The following TM9SF3 variants were observed in gnomAD, a reference collection of about 807,000 sequenced individuals.
TM9SF3 encodes the protein SM-11044-binding protein.
TM9SF3 carries 14 observed loss-of-function variants against 78.6 expected under a neutral mutation model. The observed-to-expected ratio is 0.18, with a 90% CI of 0.12 to 0.28. TM9SF3 has a LOEUF of 0.28. Among genes scored for constraint, TM9SF3 ranks in the 10% least tolerant of loss-of-function variants. The pLI, the probability that TM9SF3 is intolerant of heterozygous loss-of-function variation, is 1.00. For missense variants in TM9SF3, 496 were observed against 721.9 expected (o/e 0.69, Z 3.59); for synonymous variants, 231 against 241.7 (o/e 0.96, Z 0.41).
At chr10:96,544,510 G>A (rs537505689) in intron 8 of TM9SF3, among the ~76,000 whole-genome samples, 87 of 152,056 alleles carry the variant, frequency 5.7e-4, no homozygotes, top group African/African-American at 2.0e-3. Flanking sequence ...CCTAGAAAGG[G>A]GTTTTTATTA....
intron 4 of TM9SF3, 64 bp downstream of exon 4, chr10:96,561,914 G>C (rs1848312623): frequency 7.2e-7 from 1 of 1,385,038 alleles, no homozygotes; most frequent in African/African-American, 1.5e-5. Flanking sequence ...AAAGTTCAAA[G>C]CCACAAATTG....
chr10:96,548,778 T>A, intron 7 of TM9SF3, among the ~76,000 whole-genome samples: 1 of 120,476 alleles, frequency 8.3e-6, no homozygotes, highest in Non-Finnish European at 1.6e-5. Flanking sequence ...AGCCTGGATG[T>A]CAAAGCAAGA....
At chr10:96,556,940 T>A (rs1490648390) in intron 5 of TM9SF3, among the ~76,000 whole-genome samples, 1 of 152,100 alleles carries the variant, frequency 6.6e-6, no homozygotes, top group Non-Finnish European at 1.5e-5. Flanking sequence ...AATCTCTCTA[T>A]CCTCCATGAT....
chr10:96,553,194 A>C, intron 5 of TM9SF3, 135 bp from the exon 6 acceptor site: 1 of 882,764 alleles, frequency 1.1e-6, no homozygotes, highest in Non-Finnish European at 1.6e-6. Flanking sequence ...AAAAATCCAA[A>C]TTTCAGACAC....
intron 9 of TM9SF3, among the ~76,000 whole-genome samples, chr10:96,534,173 T>A (rs530027782): frequency 1.3e-5 from 2 of 152,280 alleles, no homozygotes; most frequent in African/African-American, 4.8e-5. Flanking sequence ...TTAGTAAAAA[T>A]TCTTCATTAG....
Position 96,520,911 on chromosome 10 carries a change from T to C in TM9SF3, c.*1352A>G, listed in dbSNP as rs1300483201. On this transcript the variant is annotated 3_prime_UTR_variant, in exon 15 of 15. Coordinates refer to ENST00000371142, the MANE Select transcript of TM9SF3 (RefSeq NM_020123.4). ...ATAGTTTATAGCATACTTTTAAAAA[T>C]GGCATTCGGTAATTTTGCCTTCTGG... 4 of 397,250 alleles carry C rather than the reference T, an allele frequency of 1.0e-5. No individual in the cohort carries two copies. The highest frequency in any genetic ancestry group is 1.3e-5 in the Non-Finnish European group (3 of 224,794). 24.6% of individuals were successfully genotyped at this position (397,250 alleles called of 1,614,324 possible).
chr10:96,551,429 TATAG>T lies in TM9SF3; in HGVS notation c.793-22_793-19del. ...TCTCTATCCTATATACAAATATATATATAGAGAGAGAAAAGCAAATCATTCAGAA... is the reference window on the plus strand; with the variant it reads ...TCTCTATCCTATATACAAATATATATAGAGAGAAAAGCAAATCATTCAGAA... On this transcript the variant is annotated intron_variant, in intron 6 of 14. Coordinates refer to ENST00000371142, the MANE Select transcript of TM9SF3 (RefSeq NM_020123.4). 6.7e-7 allele frequency: 1 copy of T among 1,492,970 alleles called. No individual in the cohort carries two copies. 92.5% of individuals were successfully genotyped at this position (1,492,970 alleles called of 1,614,324 possible).
At chr10:96,585,194 C>T (rs1848615266) in intron 1 of TM9SF3, among the ~76,000 whole-genome samples, 1 of 152,058 alleles carries the variant, frequency 6.6e-6, no homozygotes, top group Non-Finnish European at 1.5e-5. Context: ...TATCACGGAA[C>T]TACACATTGA....
rs1848636250 is a variant in TM9SF3, at chr10:96,586,717, C to G, written c.102+17G>C. 1 of 1,222,408 alleles carries G rather than the reference C, an allele frequency of 8.2e-7. No homozygotes were observed. Among genetic ancestry groups the G allele is most frequent in the African/African-American group, 1.6e-5 (1 of 63,624 alleles). The allele number at this position is 1,222,408 out of a possible 1,614,324, so 75.7% of individuals were successfully genotyped here. A position where few individuals can be genotyped will look rare whatever the true frequency, so the allele number is the denominator to read the frequency against. On this transcript the variant is annotated intron_variant, in intron 1 of 14. Transcript: ENST00000371142. ...GGGAGCTAGCCCGGGGCGGCCGCGCCGGCCGGGGCGCCTCACCGTGTGTTC... is the reference window on the plus strand; with the variant it reads ...GGGAGCTAGCCCGGGGCGGCCGCGCGGGCCGGGGCGCCTCACCGTGTGTTC...
intron 9 of TM9SF3, among the ~76,000 whole-genome samples, chr10:96,535,149 A>G (rs1847942284): frequency 6.6e-6 from 1 of 152,218 alleles, no homozygotes; most frequent in African/African-American, 2.4e-5. Context: ...GACATTATCA[A>G]TTGCTTAGCA....
At chr10:96,577,368 C>G (rs993132824) in intron 1 of TM9SF3, 6 of 152,198 alleles carry the variant, frequency 3.9e-5, no homozygotes, top group African/African-American at 1.2e-4. Flanking sequence ...AGAACCTCCA[C>G]AAGTCCATTC....
chr10:96,585,332 T>G (rs2134165121), intron 1 of TM9SF3, among the ~76,000 whole-genome samples: 1 of 152,344 alleles, frequency 6.6e-6, no homozygotes, highest in African/African-American at 2.4e-5. Context: ...GACCCAAATC[T>G]ATACATGGTC....
At chr10:96,581,619 G>A (rs1272743635) in intron 1 of TM9SF3, among the ~76,000 whole-genome samples, 1 of 152,078 alleles carries the variant, frequency 6.6e-6, no homozygotes, top group African/African-American at 2.4e-5. Context: ...ACGAATTACG[G>A]CATTTAACAA....
chr10:96,527,187 G>A (rs1847848410), intron 14 of TM9SF3, 26 bp downstream of exon 14: 1 of 1,575,474 alleles, frequency 6.3e-7, no homozygotes, highest in Non-Finnish European at 8.7e-7. Context: ...ATTTACTCAT[G>A]ATGTTCAAAG....
chr10:96,548,303 C>T (rs1287647077), intron 7 of TM9SF3, among the ~76,000 whole-genome samples: 1 of 151,930 alleles, frequency 6.6e-6, no homozygotes, highest in Non-Finnish European at 1.5e-5. Context: ...GTTTTGTGAC[C>T]CTGTAAACCA....
At chr10:96,567,801 G>A (rs532896806) in intron 2 of TM9SF3, among the ~76,000 whole-genome samples, 10 of 152,224 alleles carry the variant, frequency 6.6e-5, no homozygotes, top group African/African-American at 2.4e-4. Context: ...GCACAGACTA[G>A]GCACTAAACA....
chr10:96,561,165 T>C (rs1382101736), intron 4 of TM9SF3, among the ~76,000 whole-genome samples: 5 of 152,222 alleles, frequency 3.3e-5, no homozygotes, highest in Admixed American at 3.3e-4. Flanking sequence ...CTTTGCTTTC[T>C]ATTACTTGCA....
chr10:96,567,852 C>T lies in TM9SF3; in HGVS notation c.299-2426G>A, dbSNP rs551102054. On this transcript the variant is annotated intron_variant, in intron 2 of 14. Coordinates refer to ENST00000371142, the MANE Select transcript of TM9SF3 (RefSeq NM_020123.4). ...TTAAGAGCATAATTTTCTTATTTGG[C>T]AAAGGAAATCACTACACATATTAGG... Among the ~76,000 whole-genome samples the T allele has an allele frequency of 3.3e-5, 5 of 152,234 alleles. No homozygotes were observed. In the South Asian group the frequency reaches 1.0e-3, roughly 32 times the overall value.
chr10:96,562,206 T>C, intron 3 of TM9SF3, 68 bp from the exon 4 acceptor site: 1 of 1,147,130 alleles, frequency 8.7e-7, no homozygotes, highest in Non-Finnish European at 1.2e-6. Context: ...ACAAGCTAAA[T>C]GCTCATTAAG....
Sources: gnomAD v4.1 joint callset for allele counts (sites outside exome capture counted in the v4.1 genomes callset) on GRCh38, gnomAD v4.1.1 for gene constraint, MANE v1.5 for transcripts, NCBI Gene and HGNC (gene_info 2026-07-23, HGNC 2026-07-21) for gene names.